Variants in LRRTM3 observed in about 807,000 individuals in gnomAD.
LRRTM3 encodes leucine-rich repeat transmembrane neuronal protein 3.
In LRRTM3, 24 loss-of-function variants were observed where a neutral mutation model predicts 44.7. That is an observed-to-expected ratio of 0.54 (90% confidence interval 0.39 to 0.76). The LOEUF (loss-of-function observed/expected upper bound fraction) is 0.76, where lower values mean the gene tolerates loss of function less well. LRRTM3 is among the 30% of genes least tolerant of loss of function. The pLI is 0.00. For synonymous variants in LRRTM3, 277 were observed against 278.7 expected (o/e 0.99, Z 0.06); for missense variants, 587 against 702.2 (o/e 0.84, Z 1.85).
At chr10:66,938,633 C>G (rs1847844920) in intron 2 of LRRTM3, among the ~76,000 whole-genome samples, 1 of 152,106 alleles carries the variant, frequency 6.6e-6, no homozygotes, top group Non-Finnish European at 1.5e-5. Flanking sequence ...TGAGTAGACT[C>G]ATGCAGCTCA....
intron 2 of LRRTM3, among the ~76,000 whole-genome samples, chr10:66,942,702 C>A (rs1848071396): frequency 6.6e-6 from 1 of 152,030 alleles, no homozygotes; most frequent in Non-Finnish European, 1.5e-5. Flanking sequence ...GGACATATCA[C>A]ACCTTCCCAT....
intron 2 of LRRTM3, among the ~76,000 whole-genome samples, chr10:66,992,305 G>T (rs746307975): frequency 4.3e-4 from 65 of 151,832 alleles, no homozygotes; most frequent in Non-Finnish European, 9.4e-4. Flanking sequence ...TTTGTCCTTT[G>T]GTTTTGCACT....
intron 2 of LRRTM3, among the ~76,000 whole-genome samples, chr10:66,989,170 T>G (rs1359624722): frequency 6.6e-6 from 1 of 152,196 alleles, no homozygotes; most frequent in Non-Finnish European, 1.5e-5. Flanking sequence ...AAAATCTTTT[T>G]GAAGGTAATG....
At chr10:66,989,199 T>C (rs1162144833) in intron 2 of LRRTM3, among the ~76,000 whole-genome samples, 1 of 152,162 alleles carries the variant, frequency 6.6e-6, no homozygotes, top group Non-Finnish European at 1.5e-5. Flanking sequence ...TTATTCCTCT[T>C]CTTTCTCCAA....
intron 2 of LRRTM3, among the ~76,000 whole-genome samples, chr10:67,020,072 CCTT>C (rs71687019): frequency 0.34 from 50,938 of 151,892 alleles, 9,217 homozygotes; most frequent in East Asian, 0.53. Context: ...ACCAAGGTCA[CCTT>C]CTCTTGCAGC....
chr10:67,082,807 A>G (rs141583539), intron 2 of LRRTM3, among the ~76,000 whole-genome samples: 3 of 152,308 alleles, frequency 2.0e-5, no homozygotes, highest in East Asian at 3.9e-4. Context: ...ATCAGTCATG[A>G]AACTGATTGG....
rs1014246503 is a variant in LRRTM3 at position 66,928,993 on chromosome 10, T to A, written c.1536+541T>A. Among the ~76,000 whole-genome samples the A allele has an allele frequency of 1.8e-4, 28 of 152,134 alleles. 1 individual carries two copies. Among genetic ancestry groups the A allele is most frequent in the African/African-American group, 5.6e-4 (23 of 41,406 alleles). Reference sequence around the variant, plus strand: ...TAGAAAAGAAAATTGCAGGAAACTATCAAAAGATGGTGCTAGGTTAAAGCA... The same window carrying A: ...TAGAAAAGAAAATTGCAGGAAACTAACAAAAGATGGTGCTAGGTTAAAGCA... On this transcript the variant is annotated intron_variant, in intron 2 of 2. Transcript: ENST00000361320.
chr10:66,972,092 T>C (rs1849753513), intron 2 of LRRTM3, among the ~76,000 whole-genome samples: 1 of 152,200 alleles, frequency 6.6e-6, no homozygotes, highest in Non-Finnish European at 1.5e-5. Flanking sequence ...TTTTAAGCTT[T>C]GTTTAGTGTT....
chr10:67,004,646 G>A (rs763052582), intron 2 of LRRTM3, among the ~76,000 whole-genome samples: 7 of 152,080 alleles, frequency 4.6e-5, no homozygotes, highest in Non-Finnish European at 8.8e-5. Context: ...GATAACTGAT[G>A]GCATTGGCAA....
chr10:67,093,721 T>A (rs969635956), intron 2 of LRRTM3, among the ~76,000 whole-genome samples: 1 of 152,024 alleles, frequency 6.6e-6, no homozygotes, highest in African/African-American at 2.4e-5. Flanking sequence ...AACCTCTGCA[T>A]CAGGTATTTA....
chr10:67,093,157 C>CT (rs1168705819), intron 2 of LRRTM3, among the ~76,000 whole-genome samples: 3 of 113,886 alleles, frequency 2.6e-5, no homozygotes, highest in Non-Finnish European at 5.2e-5. Context: ...CAAGAAGATT[C>CT]TATGGACACT....
At chr10:67,002,039 G>C (rs1851718120) in intron 2 of LRRTM3, among the ~76,000 whole-genome samples, 3 of 152,244 alleles carry the variant, frequency 2.0e-5, no homozygotes, top group South Asian at 4.2e-4. Flanking sequence ...CCGTCTGGTT[G>C]ACTGACCATA....
intron 2 of LRRTM3, among the ~76,000 whole-genome samples, chr10:67,006,896 G>A (rs935693284): frequency 6.6e-6 from 1 of 151,854 alleles, no homozygotes; most frequent in Non-Finnish European, 1.5e-5. Context: ...CGGGTTCAAG[G>A]CATCCTCCTA....
chr10:67,028,615 C>T (rs1853531984), intron 2 of LRRTM3, among the ~76,000 whole-genome samples: 1 of 142,826 alleles, frequency 7.0e-6, no homozygotes, highest in African/African-American at 2.6e-5. Flanking sequence ...AGAAGGAAGT[C>T]AGAGATAACT....
In LRRTM3 at chr10:66,929,979, A is replaced by G. The variant is rs137935866; in HGVS notation, c.1536+1527A>G. Among the ~76,000 whole-genome samples, 20 of 152,290 alleles carry G rather than the reference A, an allele frequency of 1.3e-4. 1 individual carries two copies. The East Asian group carries it at 3.7e-3, about 28-fold the overall frequency. ...TTTAATTTGGCTTGCCAACCCCTAC[A>G]TCTTTAACCATGTCCCTCTTCTCTG... On this transcript the variant is annotated intron_variant, in intron 2 of 2. Transcript: ENST00000361320.
chr10:67,050,004 C>A (rs549687470), intron 2 of LRRTM3, among the ~76,000 whole-genome samples: 1 of 152,230 alleles, frequency 6.6e-6, no homozygotes, highest in East Asian at 1.9e-4. Context: ...ATGCAGTATC[C>A]ATTTGTAAGT....
chr10:67,043,139 T>C (rs1010961305), intron 2 of LRRTM3, among the ~76,000 whole-genome samples: 5 of 150,108 alleles, frequency 3.3e-5, no homozygotes, highest in African/African-American at 9.8e-5. Context: ...TTCTTTCTTT[T>C]TTTTTTTTTT....
In LRRTM3 at chr10:66,926,207, A is replaced by G. The variant is rs996255845; in HGVS notation, c.-377A>G. On this transcript the variant is annotated 5_prime_UTR_variant, in exon 1 of 3. Transcript: ENST00000361320. ...AGATGTGGCAGCTCAGGTAGCCCCA[A>G]ATTGCCTGGAAGAATACATCATGTT... The G allele has an allele frequency of 2.2e-6, 1 of 452,012 alleles. No individual in the cohort carries two copies. Among genetic ancestry groups the G allele is most frequent in the Non-Finnish European group, 4.4e-6 (1 of 229,730 alleles). 28.0% of individuals were successfully genotyped at this position (452,012 alleles called of 1,614,324 possible).
chr10:67,055,238 T>C (rs1032690103), intron 2 of LRRTM3, among the ~76,000 whole-genome samples: 1 of 152,232 alleles, frequency 6.6e-6, no homozygotes, highest in Non-Finnish European at 1.5e-5. Flanking sequence ...GTTTGTTTTT[T>C]ATCCCTTCCA....
Sources: gnomAD v4.1 joint callset for allele counts (sites outside exome capture counted in the v4.1 genomes callset) on GRCh38, gnomAD v4.1.1 for gene constraint, MANE v1.5 for transcripts, NCBI Gene and HGNC (gene_info 2026-07-23, HGNC 2026-07-21) for gene names.